KCNJ3: variants seen among roughly 807,000 people sequenced by gnomAD.
The protein encoded by KCNJ3 is potassium inwardly rectifying channel subfamily J member 3.
Under a neutral mutation model 39.2 loss-of-function variants are expected in KCNJ3, and 4 were observed. The ratio of observed to expected loss-of-function variants is 0.10; its 90% confidence interval spans 0.05 to 0.23. KCNJ3 has a LOEUF of 0.23. Ranked by LOEUF, KCNJ3 falls within the 10% of genes least tolerant of loss-of-function variation. KCNJ3 has a pLI of 1.00. For missense variants in KCNJ3, 276 were observed against 634.9 expected (o/e 0.43, Z 6.08); for synonymous variants, 230 against 237.4 (o/e 0.97, Z 0.29).
chr2:154,819,509 T>G (rs1687134254), intron 2 of KCNJ3, among the ~76,000 whole-genome samples: 1 of 152,038 alleles, frequency 6.6e-6, no homozygotes, highest in Admixed American at 6.6e-5. Flanking sequence ...CTAAACACAA[T>G]AACATTTTAT....
intron 2 of KCNJ3, among the ~76,000 whole-genome samples, chr2:154,823,747 A>G (rs1173036616): frequency 1.3e-5 from 2 of 152,168 alleles, no homozygotes; most frequent in South Asian, 4.1e-4. Context: ...CAATATTTAT[A>G]CATATACATC....
chr2:154,822,982 A>T (rs1687210642), intron 2 of KCNJ3, among the ~76,000 whole-genome samples: 1 of 151,546 alleles, frequency 6.6e-6, no homozygotes. Flanking sequence ...AATATATAGC[A>T]TTAATATGTT....
chr2:154,701,654 T>C (rs1176777893), intron 1 of KCNJ3, among the ~76,000 whole-genome samples: 1 of 152,112 alleles, frequency 6.6e-6, no homozygotes, highest in Non-Finnish European at 1.5e-5. Context: ...CAAGGTGCTA[T>C]ATTAACACAA....
chr2:154,783,348 T>C (rs1156855036), intron 2 of KCNJ3, among the ~76,000 whole-genome samples: 1 of 152,174 alleles, frequency 6.6e-6, no homozygotes, highest in East Asian at 1.9e-4. Context: ...GTTTTAGTGA[T>C]GTTAACAGAT....
intron 2 of KCNJ3, among the ~76,000 whole-genome samples, chr2:154,777,512 T>C (rs1487684179): frequency 2.0e-5 from 3 of 152,184 alleles, no homozygotes; most frequent in Non-Finnish European, 4.4e-5. Flanking sequence ...TATCTTTTGT[T>C]TCCGCTTCGC....
intron 2 of KCNJ3, among the ~76,000 whole-genome samples, chr2:154,820,867 C>T (rs1009265527): frequency 7.2e-5 from 11 of 152,080 alleles, no homozygotes; most frequent in African/African-American, 2.7e-4. Context: ...TTTAGTTACC[C>T]TGAATTTTAA....
At chr2:154,835,416 GATT>G (rs1020613666) in intron 2 of KCNJ3, among the ~76,000 whole-genome samples, 12 of 134,468 alleles carry the variant, frequency 8.9e-5, no homozygotes, top group Non-Finnish European at 1.6e-4. Flanking sequence ...AAAATTTGCA[GATT>G]ATATATGAAT....
chr2:154,804,351 A>G (rs1375010088), intron 2 of KCNJ3, among the ~76,000 whole-genome samples: 2 of 152,192 alleles, frequency 1.3e-5, no homozygotes, highest in Admixed American at 6.6e-5. Context: ...GTAGTTAAAC[A>G]TATTTATGAT....
chr2:154,716,790 C>A (rs1318979948), intron 2 of KCNJ3, among the ~76,000 whole-genome samples: 2 of 152,054 alleles, frequency 1.3e-5, no homozygotes, highest in Admixed American at 6.5e-5. Flanking sequence ...AACATTTGAT[C>A]TGTTTGTTTT....
At chr2:154,718,222 C>G (rs1685212691) in intron 2 of KCNJ3, among the ~76,000 whole-genome samples, 1 of 152,048 alleles carries the variant, frequency 6.6e-6, no homozygotes, top group Admixed American at 6.5e-5. Context: ...ATTTATTTCT[C>G]TTTAAGATAT....
At chr2:154,757,565 G>T (rs993522876) in intron 2 of KCNJ3, among the ~76,000 whole-genome samples, 3 of 152,022 alleles carry the variant, frequency 2.0e-5, no homozygotes, top group Non-Finnish European at 4.4e-5. Context: ...TAGAAAAAAG[G>T]ATGTAGATGT....
intron 2 of KCNJ3, among the ~76,000 whole-genome samples, chr2:154,825,039 C>G (rs778622147): frequency 2.6e-5 from 4 of 152,122 alleles, no homozygotes; most frequent in African/African-American, 4.8e-5. Context: ...CTTGATGTCT[C>G]TCCCCTTCCT....
At chr2:154,769,565 G>A (rs1686200861) in intron 2 of KCNJ3, among the ~76,000 whole-genome samples, 1 of 152,152 alleles carries the variant, frequency 6.6e-6, no homozygotes, top group African/African-American at 2.4e-5. Flanking sequence ...TAAGCTTTTT[G>A]ATGTGCTGCT....
chr2:154,842,303 G>A (rs1687589711), intron 2 of KCNJ3, among the ~76,000 whole-genome samples: 1 of 152,196 alleles, frequency 6.6e-6, no homozygotes, highest in African/African-American at 2.4e-5. Context: ...TGGTCTGAGA[G>A]ACAGTTTGTT....
chr2:154,719,725 C>T (rs1361518518), intron 2 of KCNJ3, among the ~76,000 whole-genome samples: 4 of 152,128 alleles, frequency 2.6e-5, no homozygotes, highest in Non-Finnish European at 5.9e-5. Flanking sequence ...CGGAGGCTAA[C>T]ACTGGCTGTT....
chr2:154,730,880 C>T (rs908697991), intron 2 of KCNJ3, among the ~76,000 whole-genome samples: 1 of 151,868 alleles, frequency 6.6e-6, no homozygotes, highest in Admixed American at 6.6e-5. Flanking sequence ...TATAATTACT[C>T]CCTATTTGAA....
At chr2:154,835,897 C>A (rs1479320939) in intron 2 of KCNJ3, among the ~76,000 whole-genome samples, 1 of 152,040 alleles carries the variant, frequency 6.6e-6, no homozygotes, top group African/African-American at 2.4e-5. Flanking sequence ...TATATCTAGA[C>A]CTTGGCTCTT....
intron 2 of KCNJ3, among the ~76,000 whole-genome samples, chr2:154,760,525 T>G (rs771391000): frequency 1.3e-5 from 2 of 151,986 alleles, no homozygotes; most frequent in Non-Finnish European, 2.9e-5. Context: ...TTCCAAATGT[T>G]GTGAAGTTTT....
At chr2:154,796,339 A>G (rs1020166129) in intron 2 of KCNJ3, among the ~76,000 whole-genome samples, 8 of 152,126 alleles carry the variant, frequency 5.3e-5, no homozygotes, top group African/African-American at 1.7e-4. Flanking sequence ...CCTTCATACA[A>G]AATTAAAAAT....
Sources: allele counts gnomAD v4.1 joint callset (sites outside exome capture counted in the v4.1 genomes callset), GRCh38; gene constraint gnomAD v4.1.1; transcripts MANE v1.5; gene names NCBI Gene and HGNC (gene_info 2026-07-23, HGNC 2026-07-21).